PCDHA9: variants seen among roughly 807,000 people sequenced by gnomAD.
PCDHA9 encodes protocadherin alpha-9.
A neutral mutation model predicts 62.0 loss-of-function variants in PCDHA9; 62 were observed. The observed-to-expected ratio is 1.00, with a 90% CI of 0.81 to 1.23. PCDHA9 has a LOEUF of 1.23. Among genes scored for constraint, PCDHA9 ranks in the 50% most tolerant of loss-of-function variants. The pLI, the probability that PCDHA9 is intolerant of heterozygous loss-of-function variation, is 0.00. For missense variants in PCDHA9, 1,205 were observed against 1,249.8 expected (o/e 0.96, Z 0.54); for synonymous variants, 557 against 567.6 (o/e 0.98, Z 0.27).
chr5:140,968,966 T>C (rs781901506), intron 1 of PCDHA9: 1 of 1,614,216 alleles, frequency 6.2e-7, no homozygotes, highest in East Asian at 2.2e-5. Context: ...GTGCTACCGC[T>C]ACACTGCGTA....
At chr5:140,928,096 C>T (rs145229632) in intron 1 of PCDHA9, 1 of 1,614,170 alleles carries the variant, frequency 6.2e-7, no homozygotes, top group Non-Finnish European at 8.5e-7. Context: ...GATTGATGGG[C>T]CCCTGGACCG....
chr5:140,882,577 C>T (rs370671644), intron 1 of PCDHA9: 45 of 1,614,120 alleles, frequency 2.8e-5, no homozygotes, highest in East Asian at 1.3e-4. Flanking sequence ...CGGAGTGCAG[C>T]ATCCACCTGG....
chr5:140,856,808 C>T, intron 1 of PCDHA9: 1 of 1,594,492 alleles, frequency 6.3e-7, no homozygotes, highest in Non-Finnish European at 8.6e-7. Context: ...GTATGAAAAT[C>T]AAGTGAACCA....
chr5:140,871,117 G>A (rs2052723130), intron 1 of PCDHA9: 1 of 1,613,286 alleles, frequency 6.2e-7, no homozygotes, highest in East Asian at 2.2e-5. Flanking sequence ...GGTGGAGAGC[G>A]GACAGGCGCC....
rs781941183 is a variant in PCDHA9, at chr5:140,884,613, C to T, written c.2394+33724C>T. On this transcript the variant is annotated intron_variant, in intron 1 of 3. Transcript: ENST00000532602. ...CCCAGCCTTCCTCCTTGTCTGGGTT[C>T]TGCAGAGGGAACAGGCCAGAGGGAG... 3 of 1,614,086 alleles carry T rather than the reference C, an allele frequency of 1.9e-6. No individual in the cohort carries two copies. The South Asian group carries it at 3.3e-5, about 18-fold the overall frequency.
At chr5:140,940,110 T>C (rs2092554073) in intron 1 of PCDHA9, among the ~76,000 whole-genome samples, 1 of 152,240 alleles carries the variant, frequency 6.6e-6, no homozygotes, top group Admixed American at 6.5e-5. Context: ...CGTTATGTAT[T>C]ATTTACCTCT....
chr5:140,938,293 C>G (rs896897734), intron 1 of PCDHA9, among the ~76,000 whole-genome samples: 1 of 152,110 alleles, frequency 6.6e-6, no homozygotes, highest in African/African-American at 2.4e-5. Flanking sequence ...CTGTCATTGC[C>G]TATGAAATTC....
Position 140,849,602 on chromosome 5 carries a change from T to G in PCDHA9, c.1107T>G (p.Ile369Met). ...AGGACGCACAACTGGGGACAGTTAT[T>G]GCCCTGATTAGTGTGATCGACCTAG... Reference protein sequence around the residue: ...VKEDAQLGTVIALISVIDLDA... With the variant: ...VKEDAQLGTVMALISVIDLDA... The change falls in exon 1 of 4, where the codon ATT becomes ATG. Residue 369 changes from isoleucine to methionine, a missense_variant. By Grantham distance (10) the Ile-to-Met change is conservative. Coordinates refer to ENST00000532602, the MANE Select transcript of PCDHA9 (RefSeq NM_031857.2). 6.3e-7 allele frequency: 1 copy of G among 1,598,704 alleles called. No individual in the cohort carries two copies. Among genetic ancestry groups the G allele is most frequent in the South Asian group, 1.1e-5 (1 of 90,568 alleles).
At chr5:140,941,214 C>CTTTCTTTCTTTCTTTTT (rs1554214039) in intron 1 of PCDHA9, among the ~76,000 whole-genome samples, 1 of 122,414 alleles carries the variant, frequency 8.2e-6, no homozygotes, top group East Asian at 2.3e-4. Context: ...TTTCTTTCTT[C>CTTTCTTTCTTTCTTTTT]CTTTCTTTCT....
intron 1 of PCDHA9, among the ~76,000 whole-genome samples, chr5:140,930,708 C>T (rs1554208021): frequency 2.0e-5 from 3 of 152,088 alleles, no homozygotes; most frequent in Admixed American, 2.0e-4. Flanking sequence ...AGTTATTCTT[C>T]CTCAAGTAAT....
intron 1 of PCDHA9, among the ~76,000 whole-genome samples, chr5:140,872,147 A>G (rs182622131): frequency 6.6e-6 from 1 of 152,118 alleles, no homozygotes; most frequent in East Asian, 1.9e-4. Flanking sequence ...CTCCATTAGT[A>G]TGACATGATT....
In PCDHA9 at chr5:140,848,792, C is replaced by T; in HGVS notation, c.297C>T (p.Ser99=). 3.8e-6 allele frequency: 6 copies of T among 1,592,840 alleles called. 1 individual carries two copies. Among genetic ancestry groups the T allele is most frequent in the Non-Finnish European group, 5.2e-6 (6 of 1,163,812 alleles). Residue 99 remains serine (S), a synonymous_variant, in exon 1 of 4, where the codon AGC becomes AGT. Coordinates refer to ENST00000532602, the MANE Select transcript of PCDHA9 (RefSeq NM_031857.2). The part of the protein sequence containing the change: ...RIDREELCGR[S]AECSIHLEVI... ...ACCGCGAGGAGCTGTGCGGGCGGAG[C>T]GCGGAGTGCAGCATCCACCTGGAGG... is the stretch of plus-strand genomic sequence containing the variant.
chr5:141,001,130 T>C (rs1233424080), intron 3 of PCDHA9, among the ~76,000 whole-genome samples: 1 of 152,036 alleles, frequency 6.6e-6, no homozygotes, highest in African/African-American at 2.4e-5. Context: ...CTTAAACAAA[T>C]GAATCTTCTG....
chr5:140,898,114 G>A (rs367767804), intron 1 of PCDHA9, among the ~76,000 whole-genome samples: 18 of 151,862 alleles, frequency 1.2e-4, no homozygotes, highest in Non-Finnish European at 2.4e-4. Context: ...AGTAGGTTGC[G>A]AAAATTTTCT....
intron 3 of PCDHA9, among the ~76,000 whole-genome samples, chr5:140,999,772 T>A (rs1186405321): frequency 6.6e-6 from 1 of 152,182 alleles, no homozygotes; most frequent in Non-Finnish European, 1.5e-5. Flanking sequence ...CTTTATACTC[T>A]TAACCTAGAA....
At chr5:140,898,970 C>T (rs2067071539) in intron 1 of PCDHA9, among the ~76,000 whole-genome samples, 2 of 152,006 alleles carry the variant, frequency 1.3e-5, no homozygotes, top group South Asian at 4.2e-4. Context: ...TGGGAGTTCA[C>T]TCATGATTTG....
intron 1 of PCDHA9, among the ~76,000 whole-genome samples, chr5:140,897,618 T>C: frequency 6.6e-6 from 1 of 152,172 alleles, no homozygotes; most frequent in Non-Finnish European, 1.5e-5. Flanking sequence ...TTCCAAGTCT[T>C]TACTATTGTG....
intron 1 of PCDHA9, chr5:140,930,385 C>T (rs1335168502): frequency 6.6e-6 from 1 of 151,798 alleles, no homozygotes; most frequent in Non-Finnish European, 1.5e-5. Flanking sequence ...CTTGGCATTT[C>T]AAAACTTCTT....
At position 140,849,995 on chromosome 5, in the gene PCDHA9, C is replaced by CGA; in HGVS notation, c.1502_1503dup (p.Arg502SerfsTer35). 1 of 1,597,088 alleles carries CGA rather than the reference C, an allele frequency of 6.3e-7. No individual in the cohort carries two copies. The highest frequency in any genetic ancestry group is 8.6e-7 in the Non-Finnish European group (1 of 1,167,812). The stretch of plus-strand genomic sequence containing the variant: ...ACTCGCTGGTGGAGCGGCGGTTGGG[C>CGA]GAGCGCTCGCTGTCGAGCTACGTGT... On this transcript the variant is annotated frameshift_variant, in exon 1 of 4. Transcript: ENST00000532602. LOFTEE classifies it high-confidence loss of function.
Sources: gnomAD v4.1 joint callset for allele counts (sites outside exome capture counted in the v4.1 genomes callset) on GRCh38, gnomAD v4.1.1 for gene constraint, MANE v1.5 for transcripts, NCBI Gene and HGNC (gene_info 2026-07-23, HGNC 2026-07-21) for gene names.